SGCD: variants seen among roughly 807,000 people sequenced by gnomAD.
SGCD encodes the protein delta-sarcoglycan.
A neutral mutation model predicts 36.6 loss-of-function variants in SGCD; 18 were observed. The observed-to-expected ratio is 0.49, with a 90% confidence interval of 0.34 to 0.73. SGCD has a LOEUF of 0.73. SGCD is among the 30% of genes least tolerant of loss of function. The probability of loss-of-function intolerance (pLI) is 0.01; values close to 1 mark genes in which losing one functional copy is unlikely to be tolerated. For missense variants in SGCD, 387 were observed against 346.7 expected, an observed-to-expected ratio of 1.12 and a Z score of -0.92; for synonymous variants, 133 against 130.6, an observed-to-expected ratio of 1.02 and a Z score of -0.12.
At chr5:156,030,971 T>C (rs1463027113) in intron 1 of SGCD, among the ~76,000 whole-genome samples, 1 of 152,150 alleles carries the variant, frequency 6.6e-6, no homozygotes, top group Non-Finnish European at 1.5e-5. Flanking sequence ...AAAAAGTAGA[T>C]TGGTGCTAGA....
the SGCD span, among the ~76,000 whole-genome samples, chr5:155,826,924 C>G: frequency 5.3e-5 from 8 of 152,202 alleles, no homozygotes; most frequent in African/African-American, 1.9e-4. Context: ...GTGCTGGTTT[C>G]CATGATACTG....
At chr5:156,533,953 G>GT (rs531787494) in intron 4 of SGCD, among the ~76,000 whole-genome samples, 3 of 151,416 alleles carry the variant, frequency 2.0e-5, no homozygotes, top group Admixed American at 1.3e-4. Flanking sequence ...CTTGGACAAA[G>GT]TTTTTTTTTC....
chr5:156,061,167 G>A (rs1338008457), intron 1 of SGCD, among the ~76,000 whole-genome samples: 3 of 139,614 alleles, frequency 2.1e-5, no homozygotes, highest in African/African-American at 8.3e-5. Flanking sequence ...TGTAAAAATT[G>A]CAACTATTTT....
At chr5:156,522,769 C>T (rs1193106736) in intron 4 of SGCD, among the ~76,000 whole-genome samples, 4 of 151,758 alleles carry the variant, frequency 2.6e-5, no homozygotes, top group Non-Finnish European at 5.9e-5. Context: ...TCCCCACCCC[C>T]CGACACACAC....
chr5:156,655,588 G>A (rs1763640262), intron 7 of SGCD, among the ~76,000 whole-genome samples: 2 of 152,116 alleles, frequency 1.3e-5, no homozygotes, highest in South Asian at 2.1e-4. Context: ...GTGTTACAAA[G>A]GTCTATGCCA....
At chr5:155,738,363 G>A in the SGCD span, among the ~76,000 whole-genome samples, 47 of 152,220 alleles carry the variant, frequency 3.1e-4, no homozygotes, top group Admixed American at 5.2e-4. Flanking sequence ...CTATGTTTCC[G>A]GTGTCTTCTG....
At chr5:156,689,107 A>G (rs1454995560) in intron 7 of SGCD, among the ~76,000 whole-genome samples, 1 of 152,216 alleles carries the variant, frequency 6.6e-6, no homozygotes, top group Non-Finnish European at 1.5e-5. Flanking sequence ...TCTGTAGTTT[A>G]GTTAATAGTA....
the SGCD span, among the ~76,000 whole-genome samples, chr5:155,792,859 C>T: frequency 6.6e-6 from 1 of 152,176 alleles, no homozygotes; most frequent in Non-Finnish European, 1.5e-5. Flanking sequence ...TCTTAAAGAA[C>T]TTAAAGCAGA....
At chr5:156,531,032 G>A (rs1333568949) in intron 4 of SGCD, among the ~76,000 whole-genome samples, 1 of 152,240 alleles carries the variant, frequency 6.6e-6, no homozygotes, top group Non-Finnish European at 1.5e-5. Flanking sequence ...AATGACCTAT[G>A]TGATAGTATT....
intron 1 of SGCD, among the ~76,000 whole-genome samples, chr5:156,031,553 T>G (rs190361575): frequency 2.6e-5 from 4 of 152,334 alleles, no homozygotes; most frequent in African/African-American, 9.6e-5. Context: ...TTCTTGTGTG[T>G]TAGTCTTATT....
chr5:155,964,554 T>C (rs1036317251), intron 1 of SGCD, among the ~76,000 whole-genome samples: 1 of 152,084 alleles, frequency 6.6e-6, no homozygotes, highest in African/African-American at 2.4e-5. Context: ...GCCAGGCTGG[T>C]CTTGAACTCC....
At chr5:156,179,709 C>T (rs186011138) in intron 3 of SGCD, among the ~76,000 whole-genome samples, 43 of 151,534 alleles carry the variant, frequency 2.8e-4, no homozygotes, top group African/African-American at 8.7e-4. Context: ...GGAACCTCTC[C>T]GCCTCTGGGG....
chr5:155,794,676 G>C, the SGCD span, among the ~76,000 whole-genome samples: 1 of 152,024 alleles, frequency 6.6e-6, no homozygotes, highest in Admixed American at 6.6e-5. Context: ...AAAAAGATAA[G>C]AGATATGGAA....
intron 7 of SGCD, among the ~76,000 whole-genome samples, chr5:156,746,032 AAAATT>A (rs1756924193): frequency 6.6e-6 from 1 of 152,004 alleles, no homozygotes; most frequent in African/African-American, 2.4e-5. Flanking sequence ...GTAAAAAAAA[AAAATT>A]AAATTAAAAT....
intron 3 of SGCD, among the ~76,000 whole-genome samples, chr5:156,383,869 C>A (rs1195722968): frequency 6.6e-6 from 1 of 152,070 alleles, no homozygotes; most frequent in African/African-American, 2.4e-5. Context: ...TTTTTAGGGG[C>A]AGTCATCAGA....
chr5:156,088,113 C>T (rs541968649), intron 1 of SGCD, among the ~76,000 whole-genome samples: 15 of 152,166 alleles, frequency 9.9e-5, no homozygotes, highest in South Asian at 2.1e-4. Context: ...GCCCATGACT[C>T]GAGTATCTGG....
At chr5:155,945,404 A>G (rs964228069) in intron 1 of SGCD, among the ~76,000 whole-genome samples, 4 of 152,210 alleles carry the variant, frequency 2.6e-5, no homozygotes, top group Admixed American at 1.3e-4. Flanking sequence ...AAACAGTGGT[A>G]AGAACAATAG....
intron 4 of SGCD, among the ~76,000 whole-genome samples, chr5:156,528,104 A>T (rs1757718312): frequency 6.6e-6 from 1 of 152,202 alleles, no homozygotes; most frequent in Non-Finnish European, 1.5e-5. Flanking sequence ...GCAGAGATGG[A>T]GAAAGGCAGT....
the SGCD span, among the ~76,000 whole-genome samples, chr5:155,789,758 C>G: frequency 6.6e-6 from 1 of 152,046 alleles, no homozygotes; most frequent in Admixed American, 6.6e-5. Flanking sequence ...AATGACCTCA[C>G]AAAGTATGTT....
Sources: gnomAD v4.1 joint callset for allele counts (sites outside exome capture counted in the v4.1 genomes callset) on GRCh38, gnomAD v4.1.1 for gene constraint, MANE v1.5 for transcripts, NCBI Gene and HGNC (gene_info 2026-07-23, HGNC 2026-07-21) for gene names.